NEK7: variants seen among roughly 807,000 people sequenced by gnomAD.
NEK7 encodes NIMA related kinase 7.
A neutral mutation model predicts 44.6 loss-of-function variants in NEK7; 18 were observed. The ratio of observed to expected loss-of-function variants is 0.40; its 90% CI spans 0.28 to 0.60. The LOEUF is 0.60. Ranked by LOEUF, NEK7 falls within the 20% of genes least tolerant of loss-of-function variation. NEK7 has a pLI of 0.38. For missense variants in NEK7, 256 were observed against 366.5 expected, an observed-to-expected ratio of 0.70 and a Z score of 2.46; for synonymous variants, 130 against 121.1, an observed-to-expected ratio of 1.07 and a Z score of -0.48.
chr1:198,221,566 A>C (rs1418198926), intron 1 of NEK7, among the ~76,000 whole-genome samples: 3 of 151,694 alleles, frequency 2.0e-5, no homozygotes, highest in Admixed American at 2.0e-4. Flanking sequence ...ACGTTTTAAA[A>C]CTATATAATT....
intron 7 of NEK7, among the ~76,000 whole-genome samples, chr1:198,289,597 AAC>A (rs1423689916): frequency 6.6e-6 from 1 of 152,196 alleles, no homozygotes; most frequent in Non-Finnish European, 1.5e-5. Flanking sequence ...TTGTTTAAAA[AAC>A]ACACAAAAAA....
intron 1 of NEK7, among the ~76,000 whole-genome samples, chr1:198,169,592 T>G (rs1414065655): frequency 5.3e-4 from 4 of 7,540 alleles, no homozygotes; most frequent in Admixed American, 1.3e-3. Flanking sequence ...CTTACTGGGT[T>G]TTTTTTTTTT....
chr1:198,238,838 A>G (rs1666608598), intron 2 of NEK7, among the ~76,000 whole-genome samples: 1 of 152,178 alleles, frequency 6.6e-6, no homozygotes, highest in South Asian at 2.1e-4. Context: ...CTGACTCTTG[A>G]TATTCTTATA....
At chr1:198,248,115 A>C (rs969387305) in intron 2 of NEK7, among the ~76,000 whole-genome samples, 3 of 152,206 alleles carry the variant, frequency 2.0e-5, no homozygotes, top group Non-Finnish European at 4.4e-5. Context: ...GAGTGTGCTC[A>C]TCAGTACTCC....
intron 2 of NEK7, among the ~76,000 whole-genome samples, chr1:198,235,063 G>A (rs956415280): frequency 6.6e-6 from 1 of 152,098 alleles, no homozygotes; most frequent in African/African-American, 2.4e-5. Flanking sequence ...GGATGATATG[G>A]CAACATCTGG....
At chr1:198,289,647 C>T (rs530540545) in intron 7 of NEK7, among the ~76,000 whole-genome samples, 102 of 152,252 alleles carry the variant, frequency 6.7e-4, no homozygotes, top group Non-Finnish European at 1.0e-3. Flanking sequence ...ATGCTTCAGT[C>T]GTTGTTTTCT....
In NEK7 at chr1:198,292,799, T is replaced by G; in HGVS notation, c.590-146T>G. 3 of 641,860 alleles carry G rather than the reference T, an allele frequency of 4.7e-6. No individual in the cohort carries two copies. In the South Asian group the frequency reaches 5.4e-5, roughly 12 times the overall value. The allele number at this position is 641,860 out of a possible 1,614,324, so 39.8% of individuals were successfully genotyped here. On this transcript the variant is annotated intron_variant, in intron 7 of 9. Coordinates refer to ENST00000367385, the MANE Select transcript of NEK7 (RefSeq NM_133494.3). ...AAGGAATAAAGAAGAAATTAAAAAG[T>G]TTTTAGTATTCTCAAAAACAGCTTT...
intron 9 of NEK7, among the ~76,000 whole-genome samples, chr1:198,314,499 G>C (rs1655288191): frequency 6.6e-6 from 1 of 152,198 alleles, no homozygotes; most frequent in Non-Finnish European, 1.5e-5. Flanking sequence ...TTTGGAGGAG[G>C]AGAGGCGCTC....
chr1:198,215,921 C>T (rs1019613962), intron 1 of NEK7, among the ~76,000 whole-genome samples: 1 of 152,002 alleles, frequency 6.6e-6, no homozygotes, highest in East Asian at 1.9e-4. Context: ...AGCAATACCA[C>T]TAGATTAAAG....
At chr1:198,317,536 G>A (rs552249693) in intron 9 of NEK7, among the ~76,000 whole-genome samples, 2 of 152,132 alleles carry the variant, frequency 1.3e-5, no homozygotes, top group Admixed American at 6.5e-5. Flanking sequence ...GAACTTAAGG[G>A]CCAGTCATTC....
chr1:198,192,451 G>T (rs1325916300), intron 1 of NEK7, among the ~76,000 whole-genome samples: 1 of 151,802 alleles, frequency 6.6e-6, no homozygotes, highest in Admixed American at 6.6e-5. Context: ...ATTAGATATG[G>T]GTGAGATAGG....
chr1:198,301,399 A>G (rs1372158716), intron 9 of NEK7, among the ~76,000 whole-genome samples: 1 of 151,822 alleles, frequency 6.6e-6, no homozygotes, highest in African/African-American at 2.4e-5. Context: ...AAATGCAACA[A>G]ATTAGCCGGG....
At chr1:198,178,741 G>A (rs1188972585) in intron 1 of NEK7, among the ~76,000 whole-genome samples, 1 of 151,806 alleles carries the variant, frequency 6.6e-6, no homozygotes, top group Non-Finnish European at 1.5e-5. Context: ...ACAACTCCTG[G>A]AATTCTAGTG....
intron 9 of NEK7, among the ~76,000 whole-genome samples, chr1:198,309,170 T>C (rs750156900): frequency 1.8e-4 from 28 of 152,104 alleles, no homozygotes; most frequent in Non-Finnish European, 3.1e-4. Flanking sequence ...AGAAGAGATA[T>C]ACAGTGAGCA....
intron 7 of NEK7, among the ~76,000 whole-genome samples, chr1:198,288,732 G>A (rs1469383070): frequency 6.6e-6 from 1 of 152,118 alleles, no homozygotes; most frequent in Non-Finnish European, 1.5e-5. Context: ...GATTTGTCCT[G>A]TTTACTTCTG....
chr1:198,313,331 G>T (rs1438679746), intron 9 of NEK7, among the ~76,000 whole-genome samples: 2 of 151,406 alleles, frequency 1.3e-5, no homozygotes, highest in African/African-American at 4.9e-5. Flanking sequence ...GCCTATGTGT[G>T]TCTCTGCATG....
rs1020107013 is a variant in NEK7 at position 198,157,730 on chromosome 1, G to T, written c.-29+454G>T. On this transcript the variant is annotated intron_variant, in intron 1 of 9. Coordinates refer to ENST00000367385, the MANE Select transcript of NEK7 (RefSeq NM_133494.3). The stretch of plus-strand genomic sequence containing the variant: ...GCAGCCCGACTTAGGAAAGTGAAGT[G>T]CGCTGGGAGAGAGTGGGTGGTGGGA... Among the ~76,000 whole-genome samples, 8 of 152,328 alleles carry T rather than the reference G, an allele frequency of 5.3e-5. No homozygotes were observed. The East Asian group carries it at 7.7e-4, about 15-fold the overall frequency.
chr1:198,176,115 C>CTTGTTT (rs1664597051), intron 1 of NEK7, among the ~76,000 whole-genome samples: 1 of 152,078 alleles, frequency 6.6e-6, no homozygotes, highest in Admixed American at 6.6e-5. Context: ...CTTTTAATCT[C>CTTGTTT]TTGTTTTGTT....
chr1:198,184,386 C>A (rs144494507), intron 1 of NEK7, among the ~76,000 whole-genome samples: 3 of 152,034 alleles, frequency 2.0e-5, no homozygotes, highest in Non-Finnish European at 4.4e-5. Flanking sequence ...AACTTCCTGT[C>A]GATCTGTTTG....
Sources: allele counts gnomAD v4.1 joint callset (sites outside exome capture counted in the v4.1 genomes callset), GRCh38; gene constraint gnomAD v4.1.1; transcripts MANE v1.5; gene names NCBI Gene and HGNC (gene_info 2026-07-23, HGNC 2026-07-21).